The following LINC00632 variants were observed in gnomAD, a reference collection of about 807,000 sequenced individuals.
The protein encoded by LINC00632 is long independently transcribed non-coding RNA 632.
chrX:140,765,346 G>C (rs1452822377), intron 3 of LINC00632, among the ~76,000 whole-genome samples: 1 of 111,533 alleles, frequency 9.0e-6, no homozygotes, highest in African/African-American at 3.3e-5. Flanking sequence ...CCAAAGCTGA[G>C]AGCTTATGCA....
At chrX:140,768,971 G>C (rs111603246) in intron 3 of LINC00632, among the ~76,000 whole-genome samples, 1,674 of 105,163 alleles carry the variant, frequency 0.016, 41 homozygotes, top group African/African-American at 0.054. Flanking sequence ...TCCATAGATA[G>C]AAAGGAAAGA....
chrX:140,762,628 T>C (rs774810387), intron 3 of LINC00632, among the ~76,000 whole-genome samples: 45 of 112,337 alleles, frequency 4.0e-4, no homozygotes, highest in African/African-American at 1.4e-3. Context: ...AGTAAATATT[T>C]CTGGCTGTGA....
chrX:140,779,788 C>T (rs1048949284), exon 5 of LINC00632, among the ~76,000 whole-genome samples: 20 of 112,028 alleles, frequency 1.8e-4, no homozygotes, highest in Non-Finnish European at 3.8e-5. Flanking sequence ...TTTGCAAACA[C>T]CTAGAATTGG....
At chrX:140,739,441 G>A (rs751089371) in intron 3 of LINC00632, among the ~76,000 whole-genome samples, 2 of 110,426 alleles carry the variant, frequency 1.8e-5, no homozygotes, top group Non-Finnish European at 3.8e-5. Flanking sequence ...GGCTAGTCTC[G>A]AATTCCTGAC....
intron 2 of LINC00632, among the ~76,000 whole-genome samples, chrX:140,724,891 TACAC>T (rs200929030): frequency 4.8e-4 from 38 of 79,116 alleles, no homozygotes; most frequent in East Asian, 2.3e-3. Flanking sequence ...ACACATTCCA[TACAC>T]ACACACACAC....
At chrX:140,770,494 G>C (rs1002701255) in intron 3 of LINC00632, among the ~76,000 whole-genome samples, 1 of 111,918 alleles carries the variant, frequency 8.9e-6, no homozygotes. Flanking sequence ...CCAAGATCAC[G>C]CCACTGCACT....
At chrX:140,727,869 T>C (rs181940461) in intron 2 of LINC00632, among the ~76,000 whole-genome samples, 1 of 111,528 alleles carries the variant, frequency 9.0e-6, no homozygotes, top group Admixed American at 9.5e-5. Flanking sequence ...CAACAGACAA[T>C]TATTCCACTA....
At chrX:140,742,839 T>TAGAGAGAGAGAGAG (rs3084215) in intron 3 of LINC00632, among the ~76,000 whole-genome samples, 7 of 46,908 alleles carry the variant, frequency 1.5e-4, no homozygotes, top group African/African-American at 4.0e-4. Context: ...TAGAAGGTGA[T>TAGAGAGAGAGAGAG]AGAGAGAGAG....
At chrX:140,790,018 A>G (rs2148408189) in exon 5 of LINC00632, among the ~76,000 whole-genome samples, 1 of 111,269 alleles carries the variant, frequency 9.0e-6, no homozygotes, top group East Asian at 2.8e-4. Context: ...CCCAAGATTA[A>G]AAAAGTATTC....
exon 5 of LINC00632, among the ~76,000 whole-genome samples, chrX:140,786,667 T>C (rs904363618): frequency 8.1e-5 from 9 of 111,556 alleles, no homozygotes; most frequent in Non-Finnish European, 1.3e-4. Flanking sequence ...TGGTTTAGTA[T>C]ATTCCACTTC....
exon 5 of LINC00632, among the ~76,000 whole-genome samples, chrX:140,790,350 G>A (rs1932089518): frequency 9.1e-6 from 1 of 110,148 alleles, no homozygotes; most frequent in African/African-American, 3.3e-5. Flanking sequence ...ATACTGATTT[G>A]GAATTCTCTT....
At chrX:140,766,448 A>G (rs1480714917) in intron 3 of LINC00632, among the ~76,000 whole-genome samples, 3 of 112,492 alleles carry the variant, frequency 2.7e-5, no homozygotes, top group Non-Finnish European at 5.6e-5. Flanking sequence ...TAGCAAGAAC[A>G]AAAAATAAAT....
intron 2 of LINC00632, among the ~76,000 whole-genome samples, chrX:140,712,731 C>A (rs1180374500): frequency 1.8e-5 from 2 of 110,200 alleles, no homozygotes; most frequent in Non-Finnish European, 3.8e-5. Flanking sequence ...TTAAATATTG[C>A]CCAGAGAAAT....
intron 3 of LINC00632, among the ~76,000 whole-genome samples, chrX:140,751,457 G>T (rs1325301191): frequency 1.8e-5 from 2 of 110,692 alleles, no homozygotes; most frequent in Non-Finnish European, 3.8e-5. Flanking sequence ...TAATCACCGT[G>T]AGACCAAAGC....
At chrX:140,772,614 C>A in exon 4 of LINC00632, 1 of 238,192 alleles carries the variant, frequency 4.2e-6, no homozygotes. Flanking sequence ...GAAAGCAACA[C>A]TTCCTAGGGC....
rs1265088053 is a variant in LINC00632 at position 140,771,685 on chromosome X, AT to A, written n.192-381del. Among the ~76,000 whole-genome samples, 61 of 61,596 alleles carry A rather than the reference AT, an allele frequency of 9.9e-4. 1 individual carries two copies. The highest frequency in any genetic ancestry group is 2.7e-3 in the African/African-American group (38 of 14,040). The allele number at this position is 61,596 out of a possible 115,157, so 53.5% of individuals were successfully genotyped here. On this transcript the variant is annotated intron_variant and non_coding_transcript_variant, in intron 3 of 4. Coordinates refer to ENST00000648200, the Ensembl canonical transcript of LINC00632. ...TGTGTGTATATATATATATATATAT[AT>A]TTTTTTTTTTTGAGACGGAATCTTA...
At chrX:140,752,336 G>A (rs1324094427) in intron 3 of LINC00632, among the ~76,000 whole-genome samples, 1 of 111,667 alleles carries the variant, frequency 9.0e-6, no homozygotes, top group Non-Finnish European at 1.9e-5. Context: ...GTGAGGAAGG[G>A]CCTGTCTGTC....
chrX:140,790,208 C>T (rs1455449153), exon 5 of LINC00632, among the ~76,000 whole-genome samples: 1 of 110,698 alleles, frequency 9.0e-6, no homozygotes, highest in East Asian at 2.8e-4. Context: ...GTTCTTATTG[C>T]TTAGTACTCT....
chrX:140,716,752 T>C (rs1018256741), intron 2 of LINC00632, among the ~76,000 whole-genome samples: 5 of 99,433 alleles, frequency 5.0e-5, no homozygotes, highest in Admixed American at 1.1e-4. Flanking sequence ...GTACCCAACC[T>C]CACCCCACAA....
Sources: gnomAD v4.1 joint callset for allele counts (sites outside exome capture counted in the v4.1 genomes callset) on GRCh38, gnomAD v4.1.1 for gene constraint, MANE v1.5 for transcripts, NCBI Gene and HGNC (gene_info 2026-07-23, HGNC 2026-07-21) for gene names.